The following MAGI1 variants were observed in gnomAD, a reference collection of about 807,000 sequenced individuals.
The protein encoded by MAGI1 is membrane-associated guanylate kinase, WW and PDZ domain-containing protein 1.
MAGI1 carries 58 observed loss-of-function variants against 139.9 expected under a neutral mutation model. The ratio of observed to expected loss-of-function variants is 0.41; its 90% CI spans 0.34 to 0.52. The LOEUF (loss-of-function observed/expected upper bound fraction) is 0.52. MAGI1 is among the 20% of genes least tolerant of loss of function. MAGI1 has a pLI of 0.12. For synonymous variants in MAGI1, 812 were observed against 737.9 expected (o/e 1.10, Z -1.63); for missense variants, 1,874 against 1,901.6 (o/e 0.99, Z 0.27).
At chr3:65,745,729 C>G (rs1049431621) in intron 1 of MAGI1, among the ~76,000 whole-genome samples, 2 of 149,632 alleles carry the variant, frequency 1.3e-5, no homozygotes, top group African/African-American at 5.0e-5. Flanking sequence ...ATTGAATTCT[C>G]TTTTGTTTTT....
intron 1 of MAGI1, among the ~76,000 whole-genome samples, chr3:65,792,921 G>A (rs1367580467): frequency 6.6e-6 from 1 of 152,118 alleles, no homozygotes; most frequent in Non-Finnish European, 1.5e-5. Flanking sequence ...AACCTCCAAG[G>A]TAAGAGCCTG....
rs180811466 is a variant in MAGI1 at position 65,781,470 on chromosome 3, G to C, written c.314-159382C>G. ...CGGAGTACATGTGCAGGATGTACAG[G>C]TTTGTTATATATAAACACGTACGTG... On this transcript the variant is annotated intron_variant, in intron 1 of 22. Coordinates refer to ENST00000402939, the MANE Select transcript of MAGI1 (RefSeq NM_001033057.2). 4.5e-3 allele frequency among the ~76,000 whole-genome samples: 688 copies of C among 152,242 alleles called. 6 individuals are homozygous for C. The highest frequency in any genetic ancestry group is 0.016 in the African/African-American group (648 of 41,544).
At chr3:66,024,315 TAA>T (rs34593257) in intron 1 of MAGI1, among the ~76,000 whole-genome samples, 10,890 of 95,632 alleles carry the variant, frequency 0.11, 495 homozygotes, top group Middle Eastern at 0.16. Context: ...CAAAGTTCAT[TAA>T]AAAAAAAAAA....
chr3:65,860,203 G>A (rs1464943649), intron 1 of MAGI1, among the ~76,000 whole-genome samples: 1 of 151,974 alleles, frequency 6.6e-6, no homozygotes, highest in African/African-American at 2.4e-5. Context: ...GCCTAATCAG[G>A]TATTTTTTCT....
At chr3:65,398,731 A>G (rs538515774) in intron 13 of MAGI1, among the ~76,000 whole-genome samples, 1 of 152,246 alleles carries the variant, frequency 6.6e-6, no homozygotes, top group Admixed American at 6.5e-5. Flanking sequence ...ACCTGACAGA[A>G]AATATGTCTT....
chr3:65,736,372 C>A (rs1448492039), intron 1 of MAGI1, among the ~76,000 whole-genome samples: 2 of 152,036 alleles, frequency 1.3e-5, no homozygotes, highest in Non-Finnish European at 2.9e-5. Flanking sequence ...AGAAACAGAA[C>A]CAATAGGACA....
chr3:65,702,840 T>C (rs1426703328), intron 1 of MAGI1, among the ~76,000 whole-genome samples: 2 of 152,098 alleles, frequency 1.3e-5, no homozygotes, highest in Non-Finnish European at 2.9e-5. Context: ...AATGCACACT[T>C]ATCACATAAA....
chr3:65,756,045 T>C (rs1291825965), intron 1 of MAGI1, among the ~76,000 whole-genome samples: 1 of 152,204 alleles, frequency 6.6e-6, no homozygotes, highest in African/African-American at 2.4e-5. Context: ...ATTCCAAAGA[T>C]TTTCTATAAC....
At chr3:65,825,292 G>A (rs185971797) in intron 1 of MAGI1, among the ~76,000 whole-genome samples, 1 of 152,090 alleles carries the variant, frequency 6.6e-6, no homozygotes, top group Non-Finnish European at 1.5e-5. Context: ...TCTCCCATTT[G>A]AACAATACTT....
chr3:65,656,390 C>T (rs1485634664), intron 1 of MAGI1, among the ~76,000 whole-genome samples: 1 of 152,144 alleles, frequency 6.6e-6, no homozygotes, highest in South Asian at 2.1e-4. Flanking sequence ...GTCTGGTGTC[C>T]GTTTTCAAAG....
At chr3:65,691,328 A>C (rs1165267435) in intron 1 of MAGI1, among the ~76,000 whole-genome samples, 2 of 151,418 alleles carry the variant, frequency 1.3e-5, no homozygotes, top group African/African-American at 4.8e-5. Flanking sequence ...AAAGAAAAAG[A>C]AAAAAGGGGT....
chr3:65,436,818 G>A (rs1183322155), intron 10 of MAGI1, among the ~76,000 whole-genome samples: 3 of 151,908 alleles, frequency 2.0e-5, no homozygotes, highest in East Asian at 1.9e-4. Flanking sequence ...GTGGCCAGGG[G>A]ACATCTCACA....
intron 5 of MAGI1, among the ~76,000 whole-genome samples, chr3:65,469,140 T>G (rs898960713): frequency 1.1e-4 from 17 of 152,144 alleles, no homozygotes; most frequent in Non-Finnish European, 2.2e-4. Flanking sequence ...ATCTACATAT[T>G]AACAGAAACA....
chr3:65,695,296 T>C (rs1446513388), intron 1 of MAGI1, among the ~76,000 whole-genome samples: 3 of 148,386 alleles, frequency 2.0e-5, no homozygotes, highest in East Asian at 4.8e-4. Context: ...GATTCAGGCA[T>C]CACCCCCATT....
At chr3:65,534,508 T>C (rs1179225894) in intron 2 of MAGI1, among the ~76,000 whole-genome samples, 1 of 150,914 alleles carries the variant, frequency 6.6e-6, no homozygotes, top group Non-Finnish European at 1.5e-5. Flanking sequence ...AAAAAAAGAG[T>C]GTGGGATTTG....
At chr3:65,413,937 G>A (rs1945993578) in intron 12 of MAGI1, among the ~76,000 whole-genome samples, 1 of 152,144 alleles carries the variant, frequency 6.6e-6, no homozygotes. Flanking sequence ...TGCATTTATG[G>A]CAGGGAAGAG....
chr3:66,031,794 G>C (rs1576527589), intron 1 of MAGI1, among the ~76,000 whole-genome samples: 1 of 141,694 alleles, frequency 7.1e-6, no homozygotes, highest in East Asian at 2.2e-4. Flanking sequence ...AAAAAAAAAA[G>C]TACACAGGGA....
Position 65,430,007 on chromosome 3 carries a change from A to C in MAGI1, c.1680T>G (p.Phe560Leu). Residue 560 changes from phenylalanine (F) to leucine (L), a missense_variant, in exon 12 of 23, where the codon TTT (phenylalanine) becomes TTG (leucine). This residue lies in a region of MAGI1 where 86 missense variants were observed against 130.0 expected (regional missense o/e 0.66). Coordinates refer to ENST00000402939, the MANE Select transcript of MAGI1 (RefSeq NM_001033057.2). ...AACTTGTATTGGGGTCATCTGGATC[A>C]AAAGGCAATGGATAACCTCGGCAGA... Reference protein sequence around the residue: ...LELCRGYPLPFDPDDPNTSLV... With the variant: ...LELCRGYPLPLDPDDPNTSLV... 1 of 1,613,992 alleles carries C rather than the reference A, an allele frequency of 6.2e-7. No homozygotes were observed. The highest frequency in any genetic ancestry group is 8.5e-7 in the Non-Finnish European group (1 of 1,179,936).
At chr3:65,375,162 G>T (rs542882823) in intron 18 of MAGI1, among the ~76,000 whole-genome samples, 1 of 151,626 alleles carries the variant, frequency 6.6e-6, no homozygotes, top group South Asian at 2.1e-4. Context: ...AATAAGTTGA[G>T]GAAAGGGTGA....
Sources: allele counts gnomAD v4.1 joint callset (sites outside exome capture counted in the v4.1 genomes callset), GRCh38; gene constraint gnomAD v4.1.1; regional missense constraint gnomAD v4.1.1; transcripts MANE v1.5; gene names NCBI Gene and HGNC (gene_info 2026-07-23, HGNC 2026-07-21).